MECOM: variants seen among roughly 807,000 people sequenced by gnomAD.
The protein encoded by MECOM is histone-lysine N-methyltransferase MECOM.
MECOM carries 13 observed loss-of-function variants against 116.3 expected under a neutral mutation model. The ratio of observed to expected loss-of-function variants is 0.11; its 90% CI spans 0.07 to 0.18. MECOM has a LOEUF of 0.18. Among genes scored for constraint, MECOM ranks in the 10% least tolerant of loss-of-function variants. MECOM has a pLI of 1.00. For synonymous variants in MECOM, 528 were observed against 535.2 expected (o/e 0.99, Z 0.19); for missense variants, 1,299 against 1,509.0 (o/e 0.86, Z 2.31).
intron 2 of MECOM, among the ~76,000 whole-genome samples, chr3:169,369,342 CTTTTTTTTT>C (rs10661629): frequency 1.1e-5 from 1 of 86,962 alleles, no homozygotes; most frequent in African/African-American, 5.0e-5. Flanking sequence ...TGATTGCAGC[CTTTTTTTTT>C]TTTTTTTTTT....
At chr3:169,191,077 A>T (rs1006968500) in intron 2 of MECOM, among the ~76,000 whole-genome samples, 12 of 151,986 alleles carry the variant, frequency 7.9e-5, no homozygotes, top group Non-Finnish European at 1.5e-4. Context: ...CCTACTGCAG[A>T]TTCCTGGAAG....
intron 2 of MECOM, among the ~76,000 whole-genome samples, chr3:169,300,660 C>A (rs1458549246): frequency 6.6e-6 from 1 of 152,130 alleles, no homozygotes; most frequent in African/African-American, 2.4e-5. Flanking sequence ...TCCTTAGGTC[C>A]TTCCATTTAT....
chr3:169,352,023 G>A (rs1405485965), intron 2 of MECOM, among the ~76,000 whole-genome samples: 1 of 151,894 alleles, frequency 6.6e-6, no homozygotes, highest in Non-Finnish European at 1.5e-5. Context: ...ATTTAGGAAG[G>A]ATAAGCATTT....
intron 2 of MECOM, among the ~76,000 whole-genome samples, chr3:169,208,813 C>T (rs901764314): frequency 1.3e-5 from 2 of 151,162 alleles, no homozygotes; most frequent in Non-Finnish European, 2.9e-5. Context: ...ACTACATTGA[C>T]TTTCTTCACA....
intron 1 of MECOM, among the ~76,000 whole-genome samples, chr3:169,588,445 T>C (rs1766016867): frequency 6.6e-6 from 1 of 152,152 alleles, no homozygotes; most frequent in African/African-American, 2.4e-5. Flanking sequence ...AGTTCTGTCA[T>C]CCTGTTAGAC....
chr3:169,213,530 C>T (rs192001191), intron 2 of MECOM, among the ~76,000 whole-genome samples: 2 of 152,098 alleles, frequency 1.3e-5, no homozygotes, highest in East Asian at 3.9e-4. Flanking sequence ...TATGGGGGCC[C>T]ATTTTCAAAG....
intron 1 of MECOM, among the ~76,000 whole-genome samples, chr3:169,581,208 T>C (rs748914277): frequency 7.9e-5 from 12 of 152,180 alleles, no homozygotes; most frequent in Non-Finnish European, 1.6e-4. Context: ...TGATATTCCA[T>C]ATTGTCCAAA....
intron 1 of MECOM, among the ~76,000 whole-genome samples, chr3:169,656,353 G>T (rs1268402148): frequency 2.0e-5 from 3 of 152,056 alleles, no homozygotes; most frequent in Non-Finnish European, 4.4e-5. Flanking sequence ...TGTTATAAAA[G>T]TCAGTAGTCA....
intron 1 of MECOM, among the ~76,000 whole-genome samples, chr3:169,482,051 T>C (rs1225872823): frequency 2.6e-5 from 4 of 152,156 alleles, no homozygotes; most frequent in Non-Finnish European, 4.4e-5. Flanking sequence ...CCTTAAAAAT[T>C]CAACTCTAAC....
chr3:169,096,634 A>T (rs1013251136), intron 12 of MECOM, among the ~76,000 whole-genome samples: 4 of 152,070 alleles, frequency 2.6e-5, no homozygotes, highest in Non-Finnish European at 2.9e-5. Flanking sequence ...TCATCCTTCC[A>T]TGTGTGAAGG....
intron 11 of MECOM, among the ~76,000 whole-genome samples, chr3:169,101,194 A>G (rs1262479042): frequency 1.3e-5 from 2 of 152,238 alleles, no homozygotes; most frequent in Non-Finnish European, 2.9e-5. Flanking sequence ...ATAAGCAAGC[A>G]ATTTATGAAA....
At chr3:169,565,555 C>A (rs2109398823) in intron 1 of MECOM, among the ~76,000 whole-genome samples, 1 of 152,240 alleles carries the variant, frequency 6.6e-6, no homozygotes, top group Non-Finnish European at 1.5e-5. Context: ...AGCTGGTAAC[C>A]ATAAAAATAC....
intron 1 of MECOM, among the ~76,000 whole-genome samples, chr3:169,467,593 G>A (rs562201678): frequency 6.6e-6 from 1 of 152,290 alleles, no homozygotes; most frequent in African/African-American, 2.4e-5. Flanking sequence ...TACCAAGGGA[G>A]CTCTACATGA....
At chr3:169,090,381 C>A in intron 14 of MECOM, 145 bp from the exon 15 acceptor site, 1 of 677,602 alleles carries the variant, frequency 1.5e-6, no homozygotes, top group South Asian at 2.2e-5. Flanking sequence ...TCTACGTCAA[C>A]CATGAAAAAA....
chr3:169,517,631 C>A (rs922760997), intron 1 of MECOM, among the ~76,000 whole-genome samples: 3 of 152,102 alleles, frequency 2.0e-5, no homozygotes, highest in South Asian at 2.1e-4. Flanking sequence ...GCAAAAAAAA[C>A]CTCTAGAATG....
intron 1 of MECOM, among the ~76,000 whole-genome samples, chr3:169,466,380 TTCTA>T (rs1182060396): frequency 6.6e-6 from 1 of 152,190 alleles, no homozygotes; most frequent in African/African-American, 2.4e-5. Flanking sequence ...TTGGCTGCAT[TTCTA>T]TCTGAGTGCC....
intron 1 of MECOM, among the ~76,000 whole-genome samples, chr3:169,609,249 G>C (rs1403364684): frequency 6.6e-6 from 1 of 152,154 alleles, no homozygotes; most frequent in African/African-American, 2.4e-5. Flanking sequence ...GGGGCACAGA[G>C]GCTAGCCTCT....
intron 1 of MECOM, among the ~76,000 whole-genome samples, chr3:169,472,527 GAAAAGA>G (rs1560317944): frequency 2.3e-3 from 206 of 88,200 alleles, no homozygotes; most frequent in Non-Finnish European, 3.2e-3. Context: ...GGAAAGAAAA[GAAAAGA>G]AAAGGAAAGG....
chr3:169,222,701 C>G (rs925058634), intron 2 of MECOM, among the ~76,000 whole-genome samples: 1 of 152,118 alleles, frequency 6.6e-6, no homozygotes, highest in African/African-American at 2.4e-5. Flanking sequence ...AGAGGTACAC[C>G]AAATGAATTT....
Sources: allele counts gnomAD v4.1 joint callset (sites outside exome capture counted in the v4.1 genomes callset), GRCh38; gene constraint gnomAD v4.1.1; transcripts MANE v1.5; gene names NCBI Gene and HGNC (gene_info 2026-07-23, HGNC 2026-07-21).